The following ENTREP2 variants were observed in gnomAD, a reference collection of about 807,000 sequenced individuals.
The protein encoded by ENTREP2 is endosomal transmembrane epsin interactor 2.
the ENTREP2 span, among the ~76,000 whole-genome samples, chr15:29,305,771 C>T: frequency 6.6e-6 from 1 of 152,182 alleles, no homozygotes; most frequent in African/African-American, 2.4e-5. Flanking sequence ...GAGGTGCTGA[C>T]TGGCCAGTTG....
the ENTREP2 span, among the ~76,000 whole-genome samples, chr15:29,423,389 C>T: frequency 3.3e-5 from 5 of 152,178 alleles, no homozygotes; most frequent in South Asian, 2.1e-4. Flanking sequence ...ATTTAGTTAA[C>T]ATGAAAAATT....
chr15:29,428,375 G>A, the ENTREP2 span, among the ~76,000 whole-genome samples: 7 of 151,988 alleles, frequency 4.6e-5, no homozygotes, highest in South Asian at 1.0e-3. Context: ...CACCACACAC[G>A]GCTATTTTTT....
the ENTREP2 span, among the ~76,000 whole-genome samples, chr15:29,300,546 T>A: frequency 6.6e-6 from 1 of 152,196 alleles, no homozygotes; most frequent in African/African-American, 2.4e-5. Flanking sequence ...CTCTATGTGT[T>A]GTTATGAACA....
the ENTREP2 span, among the ~76,000 whole-genome samples, chr15:29,615,761 T>A: frequency 6.6e-6 from 1 of 152,232 alleles, no homozygotes; most frequent in African/African-American, 2.4e-5. Flanking sequence ...TTGAACTTGC[T>A]GCTTTTTCCT....
At chr15:29,618,439 A>AG in the ENTREP2 span, among the ~76,000 whole-genome samples, 1 of 151,880 alleles carries the variant, frequency 6.6e-6, no homozygotes, top group Admixed American at 6.6e-5. Context: ...AAAAAAAAAA[A>AG]ATGTTTTCAC....
chr15:29,204,353 G>A, the ENTREP2 span, among the ~76,000 whole-genome samples: 1 of 152,198 alleles, frequency 6.6e-6, no homozygotes, highest in Admixed American at 6.5e-5. Context: ...AAGTACAAAT[G>A]GGATGGGTAT....
chr15:29,440,020 C>A, the ENTREP2 span, among the ~76,000 whole-genome samples: 1 of 152,024 alleles, frequency 6.6e-6, no homozygotes, highest in African/African-American at 2.4e-5. Context: ...TCAGACAAAC[C>A]CAAATTGAGG....
the ENTREP2 span, among the ~76,000 whole-genome samples, chr15:29,445,873 G>A: frequency 6.6e-6 from 1 of 152,106 alleles, no homozygotes; most frequent in Admixed American, 6.6e-5. Flanking sequence ...GATCTGATGC[G>A]AATTCCAGGC....
chr15:29,378,021 T>C, the ENTREP2 span, among the ~76,000 whole-genome samples: 1 of 151,594 alleles, frequency 6.6e-6, no homozygotes, highest in East Asian at 1.9e-4. Flanking sequence ...GTTGAAGGAA[T>C]GTAAGTCATG....
chr15:29,481,924 A>G, the ENTREP2 span, among the ~76,000 whole-genome samples: 76,910 of 151,992 alleles, frequency 0.51, 20,559 homozygotes, highest in African/African-American at 0.7. Context: ...AAAGGGCAGA[A>G]AGTTGCCATA....
At chr15:29,390,572 A>G in the ENTREP2 span, among the ~76,000 whole-genome samples, 98 of 152,332 alleles carry the variant, frequency 6.4e-4, no homozygotes, top group African/African-American at 2.2e-3. Context: ...AGATAAAATC[A>G]GAACAGAGAC....
the ENTREP2 span, among the ~76,000 whole-genome samples, chr15:29,378,690 T>C: frequency 1.3e-5 from 2 of 152,186 alleles, no homozygotes; most frequent in Admixed American, 1.3e-4. Context: ...GAATTGCCCG[T>C]TCCCACAACT....
At chr15:29,425,330 C>T in the ENTREP2 span, among the ~76,000 whole-genome samples, 1 of 152,140 alleles carries the variant, frequency 6.6e-6, no homozygotes, top group East Asian at 1.9e-4. Context: ...AGCCACCACG[C>T]CTGGCTTTTT....
At chr15:29,226,032 C>T in the ENTREP2 span, among the ~76,000 whole-genome samples, 12 of 152,202 alleles carry the variant, frequency 7.9e-5, no homozygotes, top group Admixed American at 6.5e-4. Context: ...CTTTGGAGCC[C>T]GAGCTGCTCA....
At chr15:29,558,924 T>C in the ENTREP2 span, among the ~76,000 whole-genome samples, 1 of 151,968 alleles carries the variant, frequency 6.6e-6, no homozygotes, top group Admixed American at 6.6e-5. Flanking sequence ...ATATAACGCA[T>C]ATACAAAAGA....
the ENTREP2 span, among the ~76,000 whole-genome samples, chr15:29,602,438 T>C: frequency 2.6e-5 from 4 of 152,234 alleles, no homozygotes; most frequent in Non-Finnish European, 5.9e-5. Context: ...AAGCAAAATC[T>C]CTACCTATGG....
At chr15:29,226,036 C>T in the ENTREP2 span, among the ~76,000 whole-genome samples, 1 of 152,222 alleles carries the variant, frequency 6.6e-6, no homozygotes, top group Non-Finnish European at 1.5e-5. Flanking sequence ...GGAGCCCGAG[C>T]TGCTCACCAG....
chr15:29,158,783 A>G, the ENTREP2 span, among the ~76,000 whole-genome samples: 4 of 152,018 alleles, frequency 2.6e-5, no homozygotes, highest in Admixed American at 2.0e-4. Flanking sequence ...TTCTGATGTT[A>G]TTAGCTTTTT....
the ENTREP2 span, among the ~76,000 whole-genome samples, chr15:29,643,713 G>A: frequency 2.0e-5 from 3 of 151,462 alleles, no homozygotes; most frequent in Non-Finnish European, 4.4e-5. Flanking sequence ...CCTGGGAGGC[G>A]GAGCTTGCAG....
Sources: allele counts gnomAD v4.1 joint callset (sites outside exome capture counted in the v4.1 genomes callset), GRCh38; gene constraint gnomAD v4.1.1; transcripts MANE v1.5; gene names NCBI Gene and HGNC (gene_info 2026-07-23, HGNC 2026-07-21).